Variants in MCM3AP observed in about 807,000 individuals in gnomAD.
MCM3AP encodes the protein minichromosome maintenance complex component 3 associated protein.
In MCM3AP, 126 loss-of-function variants were observed where a neutral mutation model predicts 184.1. The ratio of observed to expected loss-of-function variants is 0.68; its 90% CI spans 0.59 to 0.79. The LOEUF (loss-of-function observed/expected upper bound fraction) is 0.79. Ranked by LOEUF, MCM3AP falls within the 30% of genes least tolerant of loss-of-function variation. MCM3AP has a pLI of 0.00. For synonymous variants in MCM3AP, 1,002 were observed against 979.3 expected (o/e 1.02, Z -0.43); for missense variants, 2,496 against 2,479.2 (o/e 1.01, Z -0.14).
At chr21:46,283,592 A>G in intron 2 of MCM3AP, 23 bp downstream of exon 2, 1 of 1,553,280 alleles carries the variant, frequency 6.4e-7, no homozygotes, top group Non-Finnish European at 8.9e-7. Flanking sequence ...TAGGGTAACA[A>G]ATGGCAAGAT....
At position 46,245,098 on chromosome 21, in the gene MCM3AP, C is replaced by G; in HGVS notation, c.4747G>C (p.Glu1583Gln). 6.2e-7 allele frequency: 1 copy of G among 1,614,230 alleles called. No homozygotes were observed. Among genetic ancestry groups the G allele is most frequent in the Non-Finnish European group, 8.5e-7 (1 of 1,180,020 alleles). ...IQYVEDGIGH[E>Q]FSGRFFHDRR... ...TCATGGAAAAAGCGGCCACTAAACT[C>G]ATGGCCAATCCCGTCTTCGACGTAC... The change falls in exon 23 of 28, where the codon GAG (glutamate) becomes CAG (glutamine). Residue 1583 changes from glutamate (E) to glutamine (Q), a missense_variant. Physicochemically the swap from Glu to Gln is conservative, Grantham distance 29 (BLOSUM62 2). Transcript: ENST00000291688.
chr21:46,261,505 T>G, intron 13 of MCM3AP, 94 bp from the exon 14 acceptor site: 1 of 1,093,788 alleles, frequency 9.1e-7, no homozygotes. Flanking sequence ...GAGGCTGAGG[T>G]GGGCGGATCA....
intron 8 of MCM3AP, 116 bp from the exon 9 acceptor site, chr21:46,270,679 C>T: frequency 1.1e-6 from 1 of 918,360 alleles, no homozygotes; most frequent in Non-Finnish European, 1.6e-6. Context: ...TGGCTCACAC[C>T]TGTAATCCCA....
intron 2 of MCM3AP, 82 bp downstream of exon 2, chr21:46,283,533 T>C (rs946430320): frequency 7.9e-5 from 70 of 882,724 alleles, no homozygotes; most frequent in Non-Finnish European, 1.1e-4. Context: ...AGCAAACAAC[T>C]GAGGGACCAA....
At chr21:46,254,354 A>G (rs761458106) in intron 19 of MCM3AP, 38 bp downstream of exon 19, 1 of 1,611,556 alleles carries the variant, frequency 6.2e-7, no homozygotes, top group South Asian at 1.1e-5. Flanking sequence ...TGCCCACTCC[A>G]CCTCTTGGAA....
chr21:46,251,364 T>TAA (rs58355416), intron 20 of MCM3AP, 165 bp downstream of exon 20: 80 of 502,858 alleles, frequency 1.6e-4, no homozygotes, highest in Non-Finnish European at 1.5e-4. Context: ...CTTAAAAAAA[T>TAA]TTTTTAAACG....
rs752191411 is a variant in MCM3AP, at chr21:46,283,779, C to G, written c.1279G>C (p.Gly427Arg). The G allele has an allele frequency of 4.9e-5, 79 of 1,614,022 alleles. No individual in the cohort carries two copies. The highest frequency in any genetic ancestry group is 6.5e-5 in the Non-Finnish European group (77 of 1,180,034). ...SNRSESTDSL[G>R]GLSPSEVTAI... ...GTGACTTCAGAGGGAGACAAGCCCC[C>G]AAGACTGTCTGTGCTCTCGCTTCTG... is the stretch of plus-strand genomic sequence containing the variant. Residue 427 changes from glycine to arginine, a missense_variant, in exon 2 of 28, where the codon GGG (glycine) becomes CGG (arginine). By Grantham distance (125) the Gly-to-Arg change is moderately radical. This residue lies in a region of MCM3AP where 800 missense variants were observed against 717.1 expected (regional missense o/e 1.12). Transcript: ENST00000291688.
intron 20 of MCM3AP, chr21:46,250,116 A>C (rs912978304): frequency 5.3e-5 from 8 of 152,282 alleles, no homozygotes; most frequent in African/African-American, 1.7e-4. Flanking sequence ...AAAATTAAAG[A>C]GATAAAGAGA....
rs753926800 is a variant in MCM3AP, at chr21:46,254,383, C to T, written c.4136+9G>A. ...CTTGGAAACCCCACAGGGGAAAACCCTTCCTGACCTGCCACAACTCTCTGG... is the reference window on the plus strand; with the variant it reads ...CTTGGAAACCCCACAGGGGAAAACCTTTCCTGACCTGCCACAACTCTCTGG... On this transcript the variant is annotated intron_variant, in intron 19 of 27. Coordinates refer to ENST00000291688, the MANE Select transcript of MCM3AP (RefSeq NM_003906.5). The T allele has an allele frequency of 4.3e-6, 7 of 1,612,988 alleles. No homozygotes were observed. In the African/African-American group the frequency reaches 5.3e-5, roughly 12 times the overall value.
intron 9 of MCM3AP, among the ~76,000 whole-genome samples, chr21:46,268,818 TG>T (rs1188574503): frequency 3.3e-5 from 5 of 152,096 alleles, no homozygotes; most frequent in African/African-American, 9.7e-5. Context: ...CCGAGGTGGG[TG>T]GATCACCTGA....
intron 13 of MCM3AP, among the ~76,000 whole-genome samples, chr21:46,262,194 G>T (rs1280592328): frequency 6.6e-6 from 1 of 152,192 alleles, no homozygotes; most frequent in African/African-American, 2.4e-5. Flanking sequence ...TATGAGACCA[G>T]AAGGTTTCAC....
At chr21:46,267,182 G>GC (rs2081124366) in intron 9 of MCM3AP, 40 bp from the exon 10 acceptor site, 1 of 1,588,990 alleles carries the variant, frequency 6.3e-7, no homozygotes, top group African/African-American at 1.3e-5. Flanking sequence ...TCAGACGAAG[G>GC]CCCAGTCAGA....
intron 15 of MCM3AP, among the ~76,000 whole-genome samples, chr21:46,259,575 G>C (rs1286329282): frequency 6.6e-6 from 1 of 151,772 alleles, no homozygotes; most frequent in East Asian, 1.9e-4. Flanking sequence ...TTCGAAACCA[G>C]CTTGGCCATC....
At chr21:46,270,325 G>A (rs1418165395) in intron 9 of MCM3AP, 76 bp downstream of exon 9, 2 of 1,407,446 alleles carry the variant, frequency 1.4e-6, no homozygotes, top group East Asian at 4.6e-5. Context: ...TGAAAAGCTT[G>A]GAATAAGAAA....
In MCM3AP at chr21:46,257,185, A is replaced by G. The variant is rs991429028; in HGVS notation, c.3735-199T>C. On this transcript the variant is annotated intron_variant, in intron 16 of 27. Coordinates refer to ENST00000291688, the MANE Select transcript of MCM3AP (RefSeq NM_003906.5). The stretch of plus-strand genomic sequence containing the variant: ...CAATATGGATACAGATTTAAGATAC[A>G]TATACCCAGCTGGGTGCAGTGGCTC... 2.6e-5 allele frequency among the ~76,000 whole-genome samples: 4 copies of G among 152,320 alleles called. No individual in the cohort carries two copies. The East Asian group carries it at 7.7e-4, about 29-fold the overall frequency.
At chr21:46,262,537 A>C (rs562443716) in intron 13 of MCM3AP, among the ~76,000 whole-genome samples, 1 of 152,102 alleles carries the variant, frequency 6.6e-6, no homozygotes, top group Admixed American at 6.5e-5. Flanking sequence ...GGTCCTAGCT[A>C]CTTGGGAGGC....
At chr21:46,248,798 T>A (rs564926318) in intron 20 of MCM3AP, among the ~76,000 whole-genome samples, 30 of 151,722 alleles carry the variant, frequency 2.0e-4, no homozygotes, top group South Asian at 4.2e-4. Flanking sequence ...AGTAGGACAA[T>A]TGGAAAATAA....
At chr21:46,257,658 C>A (rs569674770) in intron 16 of MCM3AP, among the ~76,000 whole-genome samples, 1 of 151,858 alleles carries the variant, frequency 6.6e-6, no homozygotes, top group Non-Finnish European at 1.5e-5. Context: ...CGGTGGCTCA[C>A]GCCTGTAATC....
intron 20 of MCM3AP, chr21:46,251,319 G>A (rs1601502897): frequency 2.4e-6 from 1 of 419,190 alleles, no homozygotes; most frequent in Non-Finnish European, 4.3e-6. Flanking sequence ...TAAAGAAGCA[G>A]GCTGGGCTTG....
Sources: allele counts gnomAD v4.1 joint callset (sites outside exome capture counted in the v4.1 genomes callset), GRCh38; gene constraint gnomAD v4.1.1; regional missense constraint gnomAD v4.1.1; transcripts MANE v1.5; gene names NCBI Gene and HGNC (gene_info 2026-07-23, HGNC 2026-07-21).